The following MIA2 variants were observed in gnomAD, a reference collection of about 807,000 sequenced individuals.
MIA2 encodes the protein melanoma inhibitory activity protein 2.
MIA2 carries 127 observed loss-of-function variants against 167.8 expected under a neutral mutation model. The observed-to-expected ratio is 0.76, with a 90% CI of 0.66 to 0.88. The LOEUF is 0.88. Ranked by LOEUF, MIA2 falls within the 40% of genes least tolerant of loss-of-function variation. The pLI is 0.00. For missense variants in MIA2, 1,690 were observed against 1,624.7 expected (o/e 1.04, Z -0.69); for synonymous variants, 552 against 541.9 (o/e 1.02, Z -0.26).
At chr14:39,291,280 A>G (rs552343772) in intron 10 of MIA2, among the ~76,000 whole-genome samples, 184 bp downstream of exon 10, 51 of 152,330 alleles carry the variant, frequency 3.3e-4, no homozygotes, top group African/African-American at 1.2e-3. Context: ...AAAATATTAT[A>G]AAAATTTAAA....
chr14:39,265,616 T>C (rs572540533), intron 6 of MIA2: 207 of 464,228 alleles, frequency 4.5e-4, no homozygotes, highest in Admixed American at 3.0e-3. Context: ...TAGAGTGACT[T>C]AGGGAGGGCA....
At chr14:39,327,641 C>A (rs1450026821) in intron 25 of MIA2, among the ~76,000 whole-genome samples, 1 of 152,074 alleles carries the variant, frequency 6.6e-6, no homozygotes, top group African/African-American at 2.4e-5. Context: ...CAGAGAGGCC[C>A]CGGTGTGTGA....
chr14:39,365,904 G>T (rs2074812455), intron 23 of MIA2, among the ~76,000 whole-genome samples: 1 of 151,528 alleles, frequency 6.6e-6, no homozygotes, highest in South Asian at 2.1e-4. Context: ...TATGTTTTTT[G>T]TCTCCTTTAC....
chr14:39,241,499 G>C (rs1164037184), intron 3 of MIA2, among the ~76,000 whole-genome samples: 1 of 151,988 alleles, frequency 6.6e-6, no homozygotes, highest in Admixed American at 6.6e-5. Flanking sequence ...TCATCTCTTG[G>C]CTGGAAAGCA....
chr14:39,355,297 GTATTT>G (rs2074492728), downstream of MIA2, among the ~76,000 whole-genome samples: 1 of 152,204 alleles, frequency 6.6e-6, no homozygotes, highest in South Asian at 2.1e-4. Context: ...GGATTCCTAG[GTATTT>G]TATTCTCTTT....
chr14:39,360,491 T>C (rs1298742512), intron 23 of MIA2, among the ~76,000 whole-genome samples: 1 of 134,902 alleles, frequency 7.4e-6, no homozygotes, highest in African/African-American at 2.9e-5. Flanking sequence ...TTGTTGTTGT[T>C]GTCTTTTGTT....
chr14:39,266,485 G>C, intron 6 of MIA2: 1 of 985,526 alleles, frequency 1.0e-6, no homozygotes, highest in Non-Finnish European at 1.2e-6. Context: ...GCCGCTAATG[G>C]AACTGAAGAC....
chr14:39,354,166 T>A (rs895578744), downstream of MIA2, among the ~76,000 whole-genome samples: 3 of 152,238 alleles, frequency 2.0e-5, no homozygotes, highest in South Asian at 2.1e-4. Flanking sequence ...GTTGAACTAG[T>A]TTACAGTCCC....
chr14:39,375,558 A>G (rs866687994), intron 23 of MIA2, among the ~76,000 whole-genome samples: 1 of 152,168 alleles, frequency 6.6e-6, no homozygotes, highest in African/African-American at 2.4e-5. Context: ...TTAGTCAGAC[A>G]TCGTGGCGCA....
At chr14:39,324,620 T>TA (rs902654005) in intron 24 of MIA2, among the ~76,000 whole-genome samples, 27 of 151,678 alleles carry the variant, frequency 1.8e-4, no homozygotes, top group African/African-American at 6.3e-4. Context: ...TTTTATTTTT[T>TA]TTTTTTGAGA....
intron 23 of MIA2, among the ~76,000 whole-genome samples, chr14:39,379,322 T>A (rs1000693740): frequency 3.9e-5 from 6 of 152,158 alleles, no homozygotes; most frequent in South Asian, 2.1e-4. Context: ...ACCCACCTCT[T>A]TCAGGATAGT....
At chr14:39,347,303 C>A (rs916944773) in intron 26 of MIA2, among the ~76,000 whole-genome samples, 3 of 151,974 alleles carry the variant, frequency 2.0e-5, no homozygotes, top group Non-Finnish European at 4.4e-5. Flanking sequence ...TATTTCGGAA[C>A]AGTAGCTAAA....
chr14:39,314,610 GTTTTTTT>G, intron 19 of MIA2, 122 bp from the exon 20 acceptor site: 1 of 189,008 alleles, frequency 5.3e-6, no homozygotes, highest in Non-Finnish European at 9.7e-6. Context: ...GAGTTCTGGA[GTTTTTTT>G]TTTTTTTTTT....
chr14:39,369,720 C>A (rs1331832681), intron 23 of MIA2, among the ~76,000 whole-genome samples: 1 of 152,162 alleles, frequency 6.6e-6, no homozygotes, highest in Non-Finnish European at 1.5e-5. Flanking sequence ...ATGATAAATG[C>A]ATGTGCTTTG....
chr14:39,366,501 G>A (rs1018410399), intron 23 of MIA2, among the ~76,000 whole-genome samples: 1 of 152,210 alleles, frequency 6.6e-6, no homozygotes, highest in Non-Finnish European at 1.5e-5. Flanking sequence ...CAGGCCCTCA[G>A]GGCACGTGCC....
intron 25 of MIA2, among the ~76,000 whole-genome samples, chr14:39,330,266 A>G (rs908446355): frequency 1.3e-5 from 2 of 152,130 alleles, no homozygotes; most frequent in African/African-American, 2.4e-5. Context: ...GGAGTTCTTT[A>G]TAGTATTCTC....
At chr14:39,385,651 A>G (rs1386581026) in intron 23 of MIA2, 1 of 902,066 alleles carries the variant, frequency 1.1e-6, no homozygotes, top group African/African-American at 1.6e-5. Context: ...TGTTAGTTCT[A>G]AAAGCTTAAA....
At chr14:39,348,712 T>C in intron 27 of MIA2, 31 bp from the exon 28 acceptor site, 1 of 1,610,570 alleles carries the variant, frequency 6.2e-7, no homozygotes, top group Non-Finnish European at 8.5e-7. Context: ...ATTTACTGTT[T>C]TAGTGACTGC....
chr14:39,342,719 TAAAAA>T (rs1336373048), intron 25 of MIA2, among the ~76,000 whole-genome samples: 2 of 152,158 alleles, frequency 1.3e-5, no homozygotes, highest in Non-Finnish European at 1.5e-5. Flanking sequence ...AAATAAGACA[TAAAAA>T]GAAAAAGCAC....
Sources: gnomAD v4.1 joint callset for allele counts (sites outside exome capture counted in the v4.1 genomes callset) on GRCh38, gnomAD v4.1.1 for gene constraint, MANE v1.5 for transcripts, NCBI Gene and HGNC (gene_info 2026-07-23, HGNC 2026-07-21) for gene names.